The following SLMAP variants were observed in gnomAD, a reference collection of about 807,000 sequenced individuals.
The protein encoded by SLMAP is sarcolemma associated protein.
SLMAP carries 44 observed loss-of-function variants against 128.8 expected under a neutral mutation model. That is an observed-to-expected ratio of 0.34 (90% CI 0.27 to 0.44). SLMAP has a LOEUF of 0.44. Ranked by LOEUF, SLMAP falls within the 20% of genes least tolerant of loss-of-function variation. The pLI is 1.00. For missense variants in SLMAP, 787 were observed against 985.3 expected (o/e 0.80, Z 2.69); for synonymous variants, 327 against 348.8 (o/e 0.94, Z 0.70).
intron 6 of SLMAP, among the ~76,000 whole-genome samples, chr3:57,850,942 G>T (rs1264086953): frequency 6.6e-6 from 1 of 152,126 alleles, no homozygotes; most frequent in African/African-American, 2.4e-5. Context: ...GCCCATAGAT[G>T]ACTTTTAAAT....
intron 2 of SLMAP, among the ~76,000 whole-genome samples, chr3:57,787,541 A>G (rs1393953642): frequency 3.3e-5 from 5 of 152,136 alleles, no homozygotes; most frequent in African/African-American, 4.8e-5. Flanking sequence ...CAGTGGCGCA[A>G]TCTCCGCTCA....
At position 57,929,003 on chromosome 3, in the gene SLMAP, G is replaced by C. The variant is rs1559606390; in HGVS notation, c.*1714G>C. The C allele has an allele frequency of 6.6e-6, 1 of 152,524 alleles. No homozygotes were observed. The allele number at this position is 152,524 out of a possible 1,614,324, so 9.4% of individuals were successfully genotyped here. A position where few individuals can be genotyped will look rare whatever the true frequency, so the allele number is the denominator to read the frequency against. On this transcript the variant is annotated 3_prime_UTR_variant, in exon 25 of 25. Transcript: ENST00000671191. ...TTGTATATAGGTTATTGCAAATATT[G>C]TTCTGAAATGCTTAACTTCAGAATT...
At chr3:57,807,373 G>C (rs768332178) in intron 2 of SLMAP, among the ~76,000 whole-genome samples, 5 of 152,094 alleles carry the variant, frequency 3.3e-5, no homozygotes, top group Non-Finnish European at 7.4e-5. Context: ...TCTTGTGCTG[G>C]TTTTCAAAGG....
intron 6 of SLMAP, among the ~76,000 whole-genome samples, chr3:57,856,740 A>G (rs1388988450): frequency 6.6e-6 from 1 of 152,176 alleles, no homozygotes; most frequent in Non-Finnish European, 1.5e-5. Context: ...GCATAAACTG[A>G]TAAAGTCATA....
chr3:57,873,733 C>T (rs1384708020), intron 14 of SLMAP, among the ~76,000 whole-genome samples: 1 of 152,102 alleles, frequency 6.6e-6, no homozygotes, highest in African/African-American at 2.4e-5. Context: ...CCTGCTCTTT[C>T]ATGGGCCTAG....
chr3:57,875,808 A>G (rs1377299910), intron 14 of SLMAP, among the ~76,000 whole-genome samples: 1 of 152,236 alleles, frequency 6.6e-6, no homozygotes, highest in Non-Finnish European at 1.5e-5. Context: ...CAGAAGGGAC[A>G]TTTTGTCATT....
chr3:57,795,702 A>T (rs1426037491), intron 2 of SLMAP, among the ~76,000 whole-genome samples: 1 of 152,166 alleles, frequency 6.6e-6, no homozygotes, highest in African/African-American at 2.4e-5. Flanking sequence ...TACCATTTGT[A>T]CAATTTTAAG....
chr3:57,909,240 T>C, intron 19 of SLMAP, 90 bp downstream of exon 19: 25 of 892,166 alleles, frequency 2.8e-5, no homozygotes, highest in Non-Finnish European at 3.9e-5. Flanking sequence ...CAGTGGCTCA[T>C]GCCTGCAATC....
At chr3:57,759,636 A>G (rs1477909697) in intron 2 of SLMAP, among the ~76,000 whole-genome samples, 1 of 152,192 alleles carries the variant, frequency 6.6e-6, no homozygotes, top group African/African-American at 2.4e-5. Context: ...GAATTCAAAC[A>G]TCAGTTTACT....
intron 17 of SLMAP, among the ~76,000 whole-genome samples, chr3:57,903,141 T>G (rs2096436792): frequency 6.6e-6 from 1 of 152,048 alleles, no homozygotes. Flanking sequence ...ATGGTGAAAG[T>G]AAAAGAGCCA....
intron 2 of SLMAP, among the ~76,000 whole-genome samples, chr3:57,762,710 GTTTTTTTTTTTT>G (rs752054975): frequency 9.3e-6 from 1 of 107,756 alleles, no homozygotes; most frequent in Non-Finnish European, 1.9e-5. Context: ...TAGTAGAATG[GTTTTTTTTTTTT>G]TTTTTTTTTT....
chr3:57,925,725 A>T, intron 23 of SLMAP, 120 bp from the exon 24 acceptor site: 1 of 676,782 alleles, frequency 1.5e-6, no homozygotes, highest in South Asian at 1.8e-5. Flanking sequence ...GTAAAACCTG[A>T]GTGGTATACT....
chr3:57,864,634 A>C lies in SLMAP; in HGVS notation c.1053A>C (p.Glu351Asp). The C allele has an allele frequency of 6.3e-7, 1 of 1,599,200 alleles. No homozygotes were observed. The highest frequency in any genetic ancestry group is 8.5e-7 in the Non-Finnish European group (1 of 1,176,328). Reference protein sequence around the residue: ...ELQHKIDEMEEKEQELQAKIE... With the variant: ...ELQHKIDEMEDKEQELQAKIE... ...AACATAAAATAGATGAAATGGAAGA[A>C]AAAGAACAGGAGCTCCAGGCAAAAA... is the stretch of plus-strand genomic sequence containing the variant. Residue 351 changes from glutamate to aspartate, a missense_variant, in exon 11 of 25, where the codon GAA becomes GAC. Glu to Asp is a conservative substitution (Grantham distance 45). This residue lies in a region of SLMAP where 715 missense variants were observed against 843.6 expected (regional missense o/e 0.85). Transcript: ENST00000671191.
Position 57,857,989 on chromosome 3 carries a change from A to T in SLMAP, c.616-99A>T, listed in dbSNP as rs1442651392. 3.2e-6 allele frequency: 3 copies of T among 940,144 alleles called. No homozygotes were observed. In the African/African-American group the frequency reaches 4.9e-5, roughly 15 times the overall value. 58.2% of individuals were successfully genotyped at this position (940,144 alleles called of 1,614,324 possible). On this transcript the variant is annotated intron_variant, in intron 7 of 24. Coordinates refer to ENST00000671191, the MANE Select transcript of SLMAP (RefSeq NM_001377540.1). ...TTTACAGTGGATGCTGGTCAGTTTT[A>T]CGCTTTTATATCTTTTGTTGTCAGT...
intron 14 of SLMAP, among the ~76,000 whole-genome samples, chr3:57,888,905 GT>G (rs373855606): frequency 0.018 from 2,717 of 149,332 alleles, 70 homozygotes; most frequent in African/African-American, 0.063. Context: ...CTTTTTTTCT[GT>G]TTTTTTTTGA....
intron 2 of SLMAP, chr3:57,800,605 A>G (rs1284771681): frequency 1.3e-5 from 2 of 152,992 alleles, no homozygotes; most frequent in African/African-American, 4.8e-5. Context: ...GATAATGGTA[A>G]GTCTGCAGCT....
chr3:57,804,100 C>T (rs1194855499), intron 2 of SLMAP, among the ~76,000 whole-genome samples: 4 of 152,118 alleles, frequency 2.6e-5, no homozygotes, highest in Admixed American at 6.6e-5. Flanking sequence ...AGATTGTCTG[C>T]CAAAAAGTGT....
In SLMAP at chr3:57,757,360, C is replaced by T. The variant is rs2077814320; in HGVS notation, c.-292C>T. Reference sequence around the variant, plus strand: ...CAGGAGTTTTCTTGGCCGAAGCTGCCCGATGTTTGAGCCTTTTCTTCCCAG... The same window carrying T: ...CAGGAGTTTTCTTGGCCGAAGCTGCTCGATGTTTGAGCCTTTTCTTCCCAG... On this transcript the variant is annotated 5_prime_UTR_variant, in exon 2 of 25. Transcript: ENST00000671191. The T allele has an allele frequency of 2.1e-6, 1 of 472,374 alleles. No individual in the cohort carries two copies. The highest frequency in any genetic ancestry group is 3.5e-5 in the Admixed American group (1 of 28,662). The allele number at this position is 472,374 out of a possible 1,614,324, so 29.3% of individuals were successfully genotyped here. A position where few individuals can be genotyped will look rare whatever the true frequency, so the allele number is the denominator to read the frequency against.
chr3:57,756,907 G>T lies in SLMAP; in HGVS notation c.-745G>T, dbSNP rs1441297515. The T allele has an allele frequency of 6.6e-6, 1 of 152,278 alleles. No individual in the cohort carries two copies. The highest frequency in any genetic ancestry group is 6.5e-5 in the Admixed American group (1 of 15,290). The allele number at this position is 152,278 out of a possible 1,614,324, so 9.4% of individuals were successfully genotyped here. Reference sequence around the variant, plus strand: ...CCCTGGTCGCGGGGACGCTCGCCAGGTGCCCAGGAGTCCCGACTTGGCCAC... The same window carrying T: ...CCCTGGTCGCGGGGACGCTCGCCAGTTGCCCAGGAGTCCCGACTTGGCCAC... On this transcript the variant is annotated 5_prime_UTR_variant, in exon 2 of 25. Coordinates refer to ENST00000671191, the MANE Select transcript of SLMAP (RefSeq NM_001377540.1).
Sources: allele counts gnomAD v4.1 joint callset (sites outside exome capture counted in the v4.1 genomes callset), GRCh38; gene constraint gnomAD v4.1.1; regional missense constraint gnomAD v4.1.1; transcripts MANE v1.5; gene names NCBI Gene and HGNC (gene_info 2026-07-23, HGNC 2026-07-21).